CNTNAP5: variants seen among roughly 807,000 people sequenced by gnomAD.
CNTNAP5 encodes the protein contactin associated protein family member 5, also known as contactin-associated protein-like 5.
In CNTNAP5, 72 loss-of-function variants were observed where a neutral mutation model predicts 150.2. That is an observed-to-expected ratio of 0.48 (90% CI 0.40 to 0.58). The LOEUF (loss-of-function observed/expected upper bound fraction) is 0.58. CNTNAP5 is among the 20% of genes least tolerant of loss of function. The pLI is 0.00. For synonymous variants in CNTNAP5, 672 were observed against 619.8 expected, an observed-to-expected ratio of 1.08 and a Z score of -1.25; for missense variants, 1,636 against 1,626.2, an observed-to-expected ratio of 1.01 and a Z score of -0.10.
chr2:124,364,943 T>A (rs1690329850), intron 3 of CNTNAP5, among the ~76,000 whole-genome samples: 1 of 152,160 alleles, frequency 6.6e-6, no homozygotes, highest in African/African-American at 2.4e-5. Context: ...TGGCACACCA[T>A]CAATGTGTGC....
intron 16 of CNTNAP5, among the ~76,000 whole-genome samples, chr2:124,772,061 T>C (rs72847353): frequency 0.21 from 31,046 of 151,132 alleles, 3,394 homozygotes; most frequent in African/African-American, 0.23. Flanking sequence ...ACCATCAGCA[T>C]TAACATTATG....
At position 124,535,555 on chromosome 2, in the gene CNTNAP5, A is replaced by G. The variant is rs10173547; in HGVS notation, c.1649+8099A>G. ...AAGAAGGGCGGATCACAAGGTCAGG[A>G]CATCGAGACCATCCTGGCCAACATG... On this transcript the variant is annotated intron_variant, in intron 10 of 23. Transcript: ENST00000682447. 8.2e-3 allele frequency among the ~76,000 whole-genome samples: 1,244 copies of G among 151,228 alleles called. 18 individuals are homozygous for G. Among genetic ancestry groups the G allele is most frequent in the African/African-American group, 0.028 (1,168 of 41,126 alleles).
At chr2:124,187,544 G>C (rs923062487) in intron 1 of CNTNAP5, among the ~76,000 whole-genome samples, 1 of 152,152 alleles carries the variant, frequency 6.6e-6, no homozygotes. Context: ...AATTTTGAAC[G>C]AGTAAAATAA....
intron 1 of CNTNAP5, among the ~76,000 whole-genome samples, chr2:124,150,958 G>A (rs1302408271): frequency 1.3e-5 from 2 of 152,170 alleles, no homozygotes; most frequent in Non-Finnish European, 2.9e-5. Context: ...TTTTTAAAAT[G>A]CCTATTTAAC....
intron 11 of CNTNAP5, among the ~76,000 whole-genome samples, chr2:124,594,103 G>A (rs1307818882): frequency 2.4e-5 from 3 of 125,576 alleles, no homozygotes; most frequent in Non-Finnish European, 3.3e-5. Flanking sequence ...TCACTCTGAT[G>A]GTAGTTTCTT....
rs548181761 is a variant in CNTNAP5 at position 124,046,829 on chromosome 2, T to C, written c.82+21097T>C. Among the ~76,000 whole-genome samples the C allele has an allele frequency of 6.6e-5, 10 of 152,304 alleles. No homozygotes were observed. The East Asian group carries it at 1.7e-3, about 26-fold the overall frequency. On this transcript the variant is annotated intron_variant, in intron 1 of 23. Coordinates refer to ENST00000682447, the MANE Select transcript of CNTNAP5 (RefSeq NM_001367498.1). ...CCTCAACATCCCCTGAGTGATACCA[T>C]GCCTTGTACAGAGGAAGTGAAGAAA...
chr2:124,872,413 T>TGC (rs1367443635), intron 21 of CNTNAP5, among the ~76,000 whole-genome samples: 2 of 139,926 alleles, frequency 1.4e-5, no homozygotes, highest in Admixed American at 7.2e-5. Flanking sequence ...TGTGTGTGTG[T>TGC]GTGCGTGCAT....
intron 8 of CNTNAP5, 29 bp from the exon 9 acceptor site, chr2:124,524,274 C>T (rs769040317): frequency 6.2e-7 from 1 of 1,612,992 alleles, no homozygotes; most frequent in Non-Finnish European, 8.5e-7. Flanking sequence ...CCCATCATCT[C>T]TATGCTTACT....
intron 1 of CNTNAP5, among the ~76,000 whole-genome samples, chr2:124,178,438 C>G (rs1336182987): frequency 6.6e-6 from 1 of 152,190 alleles, no homozygotes; most frequent in African/African-American, 2.4e-5. Context: ...GGACTACAAG[C>G]TAGGCTGAGC....
chr2:124,507,642 T>C lies in CNTNAP5; in HGVS notation c.1327+3086T>C, dbSNP rs77770260. ...AAATGACAAATGTTTTTTTCAGACT[T>C]TTAAATGTTTGGACTCTCAGTCCTC... is the stretch of plus-strand genomic sequence containing the variant. On this transcript the variant is annotated intron_variant, in intron 8 of 23. Coordinates refer to ENST00000682447, the MANE Select transcript of CNTNAP5 (RefSeq NM_001367498.1). 1.6e-4 allele frequency among the ~76,000 whole-genome samples: 24 copies of C among 152,242 alleles called. No individual in the cohort carries two copies. In the East Asian group the frequency reaches 4.4e-3, roughly 28 times the overall value.
chr2:124,216,724 AT>A lies in CNTNAP5; in HGVS notation c.83-4975del, dbSNP rs895350330. ...TCCCTACAAAGGACATGAACTCATC[AT>A]TTTTTATGGCTGCATAGTATTCCAT... is the stretch of plus-strand genomic sequence containing the variant. On this transcript the variant is annotated intron_variant, in intron 1 of 23. Coordinates refer to ENST00000682447, the MANE Select transcript of CNTNAP5 (RefSeq NM_001367498.1). 3.9e-5 allele frequency among the ~76,000 whole-genome samples: 6 copies of A among 152,162 alleles called. No homozygotes were observed. The East Asian group carries it at 1.2e-3, about 29-fold the overall frequency.
In CNTNAP5 at chr2:124,122,290, G is replaced by A. The variant is rs139599672; in HGVS notation, c.82+96558G>A. Among the ~76,000 whole-genome samples, 565 of 152,242 alleles carry A rather than the reference G, an allele frequency of 3.7e-3. 4 individuals carry two copies. Among genetic ancestry groups the A allele is most frequent in the Middle Eastern group, 6.8e-3 (2 of 294 alleles). On this transcript the variant is annotated intron_variant, in intron 1 of 23. Coordinates refer to ENST00000682447, the MANE Select transcript of CNTNAP5 (RefSeq NM_001367498.1). ...GGGAAATGATATTACTAATTAAATCGTGAAACATTAGGCAGGCTGTCAGGC... is the reference window on the plus strand; with the variant it reads ...GGGAAATGATATTACTAATTAAATCATGAAACATTAGGCAGGCTGTCAGGC...
At chr2:124,054,027 C>A (rs555803568) in intron 1 of CNTNAP5, among the ~76,000 whole-genome samples, 1 of 152,156 alleles carries the variant, frequency 6.6e-6, no homozygotes. Context: ...TTTACTGGAA[C>A]AAAGTGGCAT....
intron 1 of CNTNAP5, among the ~76,000 whole-genome samples, chr2:124,098,712 T>A (rs1465150297): frequency 6.6e-6 from 1 of 151,818 alleles, no homozygotes; most frequent in African/African-American, 2.4e-5. Flanking sequence ...GTACTCTCTG[T>A]GTCTGGCGTT....
intron 22 of CNTNAP5, among the ~76,000 whole-genome samples, 164 bp downstream of exon 22, chr2:124,903,264 C>T (rs933768761): frequency 6.6e-6 from 1 of 151,962 alleles, no homozygotes; most frequent in Non-Finnish European, 1.5e-5. Context: ...TGATTTTATA[C>T]ATATTTGATG....
intron 1 of CNTNAP5, among the ~76,000 whole-genome samples, chr2:124,034,658 G>A (rs1467953816): frequency 3.3e-5 from 5 of 152,186 alleles, no homozygotes; most frequent in Non-Finnish European, 4.4e-5. Flanking sequence ...GAAGTGAGGA[G>A]CACAGCCCCT....
intron 12 of CNTNAP5, among the ~76,000 whole-genome samples, chr2:124,643,595 T>C (rs1429934705): frequency 6.6e-6 from 1 of 152,176 alleles, no homozygotes; most frequent in Non-Finnish European, 1.5e-5. Flanking sequence ...GCAGAGTATG[T>C]TCCCCATCGC....
chr2:124,395,173 G>C (rs1691214681), intron 3 of CNTNAP5, among the ~76,000 whole-genome samples: 1 of 152,034 alleles, frequency 6.6e-6, no homozygotes. Flanking sequence ...TTATAATGAA[G>C]GTCAAATATG....
chr2:124,904,264 C>T (rs752496084), intron 22 of CNTNAP5, among the ~76,000 whole-genome samples: 6 of 152,096 alleles, frequency 3.9e-5, no homozygotes, highest in South Asian at 2.1e-4. Flanking sequence ...TTCAAATTGG[C>T]ATAATGTCCT....
Sources: gnomAD v4.1 joint callset for allele counts (sites outside exome capture counted in the v4.1 genomes callset) on GRCh38, gnomAD v4.1.1 for gene constraint, MANE v1.5 for transcripts, NCBI Gene and HGNC (gene_info 2026-07-23, HGNC 2026-07-21) for gene names.